Variants in SLC35F1 observed in about 807,000 individuals in gnomAD.
SLC35F1 encodes the protein solute carrier family 35 member F1, also known as chromosome 6 open reading frame 169.
In SLC35F1, 14 loss-of-function variants were observed where a neutral mutation model predicts 48.7. The ratio of observed to expected loss-of-function variants is 0.29; its 90% confidence interval spans 0.19 to 0.45. The LOEUF (loss-of-function observed/expected upper bound fraction) is 0.45. Among genes scored for constraint, SLC35F1 ranks in the 20% least tolerant of loss-of-function variants. The pLI, the probability that SLC35F1 is intolerant of heterozygous loss-of-function variation, is 1.00. For synonymous variants in SLC35F1, 190 were observed against 202.2 expected, an observed-to-expected ratio of 0.94 and a Z score of 0.51; for missense variants, 404 against 500.0, an observed-to-expected ratio of 0.81 and a Z score of 1.83.
intron 7 of SLC35F1, among the ~76,000 whole-genome samples, chr6:118,292,760 A>G (rs941299906): frequency 3.3e-5 from 5 of 151,942 alleles, no homozygotes; most frequent in African/African-American, 1.2e-4. Context: ...GCTGTCTGCA[A>G]CAGCTCTGCC....
chr6:117,999,802 C>T (rs1777063214), intron 1 of SLC35F1, among the ~76,000 whole-genome samples: 1 of 151,978 alleles, frequency 6.6e-6, no homozygotes, highest in South Asian at 2.1e-4. Context: ...AAACTACCAT[C>T]AGAGAATACT....
chr6:118,130,077 T>C (rs1236496433), intron 1 of SLC35F1, among the ~76,000 whole-genome samples: 2 of 152,184 alleles, frequency 1.3e-5, no homozygotes, highest in Non-Finnish European at 2.9e-5. Context: ...TAGCATTATG[T>C]TATGGGCAGT....
At chr6:118,055,240 A>G (rs1299902764) in intron 1 of SLC35F1, among the ~76,000 whole-genome samples, 2 of 152,176 alleles carry the variant, frequency 1.3e-5, no homozygotes, top group Admixed American at 6.5e-5. Flanking sequence ...ATTCTTGAGG[A>G]TGTTATGTTT....
chr6:118,181,639 A>G (rs1261849267), intron 2 of SLC35F1, among the ~76,000 whole-genome samples: 1 of 152,140 alleles, frequency 6.6e-6, no homozygotes, highest in Non-Finnish European at 1.5e-5. Flanking sequence ...AAACTTTTCC[A>G]GTTAAAAAAT....
intron 1 of SLC35F1, among the ~76,000 whole-genome samples, chr6:118,127,890 A>G (rs1296104969): frequency 1.3e-5 from 2 of 152,132 alleles, no homozygotes; most frequent in Non-Finnish European, 1.5e-5. Flanking sequence ...AAAATGGGAG[A>G]AAATTTTTGC....
At chr6:117,992,847 T>A (rs1776936976) in intron 1 of SLC35F1, among the ~76,000 whole-genome samples, 1 of 152,258 alleles carries the variant, frequency 6.6e-6, no homozygotes, top group African/African-American at 2.4e-5. Context: ...TTAGTTTCAT[T>A]AGCTTCACCC....
intron 1 of SLC35F1, among the ~76,000 whole-genome samples, chr6:118,003,631 T>A (rs1777136332): frequency 1.3e-5 from 2 of 152,230 alleles, no homozygotes; most frequent in African/African-American, 2.4e-5. Flanking sequence ...CATCGGTAAA[T>A]GGAGATCATC....
chr6:118,247,142 A>G (rs1286860822), intron 3 of SLC35F1, among the ~76,000 whole-genome samples: 2 of 152,238 alleles, frequency 1.3e-5, no homozygotes, highest in East Asian at 1.9e-4. Flanking sequence ...CCATCTTCTT[A>G]TACACTCTTA....
chr6:118,200,145 GACATACATACATATATACATACAT>G (rs1328390182), intron 2 of SLC35F1, among the ~76,000 whole-genome samples: 102 of 146,896 alleles, frequency 6.9e-4, no homozygotes, highest in African/African-American at 2.4e-3. Flanking sequence ...CAGTACCGCT[GACATACATACATATATACATACAT>G]ACATACATAC....
At chr6:118,177,904 C>A (rs542131271) in intron 2 of SLC35F1, among the ~76,000 whole-genome samples, 2 of 152,126 alleles carry the variant, frequency 1.3e-5, no homozygotes, top group South Asian at 4.1e-4. Context: ...AAAGGAAAGG[C>A]CTTGGCTAAG....
At chr6:118,017,185 GGATTACATCCAGTGGCTACATTAGGA>G (rs1777333301) in intron 1 of SLC35F1, among the ~76,000 whole-genome samples, 1 of 152,296 alleles carries the variant, frequency 6.6e-6, no homozygotes, top group South Asian at 2.1e-4. Context: ...ACTTAGGCCT[GGATTACATCCAGTGGCTACATTAGGA>G]CTAATCCCTG....
At chr6:118,258,766 T>C (rs889818036) in intron 3 of SLC35F1, among the ~76,000 whole-genome samples, 1 of 151,916 alleles carries the variant, frequency 6.6e-6, no homozygotes, top group Non-Finnish European at 1.5e-5. Flanking sequence ...AGAGAAAATA[T>C]TGCAGAGCAA....
chr6:118,050,306 G>A (rs1772369424), intron 1 of SLC35F1, among the ~76,000 whole-genome samples: 3 of 150,712 alleles, frequency 2.0e-5, no homozygotes, highest in Admixed American at 6.6e-5. Context: ...CATGGCACAT[G>A]TATACATATG....
At chr6:118,214,313 A>C (rs1775044505) in intron 2 of SLC35F1, among the ~76,000 whole-genome samples, 1 of 152,182 alleles carries the variant, frequency 6.6e-6, no homozygotes, top group South Asian at 2.1e-4. Context: ...TTATGATATG[A>C]AATTGTTACA....
At chr6:118,193,983 A>T (rs1187422307) in intron 2 of SLC35F1, among the ~76,000 whole-genome samples, 1 of 152,230 alleles carries the variant, frequency 6.6e-6, no homozygotes, top group Non-Finnish European at 1.5e-5. Context: ...AAAAGCCATT[A>T]CAGTTTTTAT....
chr6:118,060,189 G>A (rs1177813778), intron 1 of SLC35F1, among the ~76,000 whole-genome samples: 1 of 152,012 alleles, frequency 6.6e-6, no homozygotes, highest in African/African-American at 2.4e-5. Context: ...TTTACCATTG[G>A]CTTATTGTGA....
intron 2 of SLC35F1, among the ~76,000 whole-genome samples, chr6:118,228,121 C>T (rs1775241452): frequency 6.6e-6 from 1 of 152,134 alleles, no homozygotes; most frequent in African/African-American, 2.4e-5. Flanking sequence ...TTCCCAATCT[C>T]ACTCTCTGGA....
chr6:118,167,986 T>C (rs1774343546), intron 2 of SLC35F1, among the ~76,000 whole-genome samples: 2 of 152,154 alleles, frequency 1.3e-5, no homozygotes, highest in African/African-American at 4.8e-5. Context: ...GCAGAATAAT[T>C]CATTATAACC....
chr6:118,098,590 T>C (rs995130808), intron 1 of SLC35F1, among the ~76,000 whole-genome samples: 1 of 152,184 alleles, frequency 6.6e-6, no homozygotes, highest in African/African-American at 2.4e-5. Context: ...GGCTCCTGTC[T>C]TATGTCTTTT....
Sources: allele counts gnomAD v4.1 joint callset (sites outside exome capture counted in the v4.1 genomes callset), GRCh38; gene constraint gnomAD v4.1.1; transcripts MANE v1.5; gene names NCBI Gene and HGNC (gene_info 2026-07-23, HGNC 2026-07-21).